Variants in TYW1B observed in about 807,000 individuals in gnomAD.
The protein encoded by TYW1B is tRNA-yW synthesizing protein 1 homolog B.
TYW1B carries 73 observed loss-of-function variants against 86.9 expected under a neutral mutation model. That is an observed-to-expected ratio of 0.84 (90% CI 0.70 to 1.02). The LOEUF (loss-of-function observed/expected upper bound fraction) is 1.02, where lower values mean the gene tolerates loss of function less well. TYW1B is among the 50% of genes least tolerant of loss of function. The pLI is 0.00. For synonymous variants in TYW1B, 248 were observed against 292.8 expected (o/e 0.85, Z 1.56); for missense variants, 637 against 827.4 (o/e 0.77, Z 2.82).
intron 7 of TYW1B, among the ~76,000 whole-genome samples, chr7:72,766,769 A>T (rs1393284589): frequency 4.0e-5 from 6 of 151,812 alleles, no homozygotes; most frequent in African/African-American, 1.5e-4. Context: ...TCTACTAAAA[A>T]TACAAAAATT....
intron 13 of TYW1B, among the ~76,000 whole-genome samples, chr7:72,582,417 T>C (rs1226036685): frequency 2.6e-5 from 4 of 151,824 alleles, no homozygotes; most frequent in South Asian, 2.1e-4. Flanking sequence ...TGAAAGACAG[T>C]AGGTCCAACC....
chr7:72,671,215 TG>T (rs1195849204), intron 11 of TYW1B, among the ~76,000 whole-genome samples: 1 of 152,072 alleles, frequency 6.6e-6, no homozygotes, highest in Non-Finnish European at 1.5e-5. Flanking sequence ...CTTAGAAAAA[TG>T]ATCTTCTTAG....
chr7:72,632,400 A>ATATT (rs1363543994), intron 11 of TYW1B, among the ~76,000 whole-genome samples: 1 of 81,738 alleles, frequency 1.2e-5, no homozygotes, highest in African/African-American at 8.9e-5. Context: ...ATATATATAT[A>ATATT]ATATATATAT....
intron 3 of TYW1B, among the ~76,000 whole-genome samples, chr7:72,813,029 G>A (rs1554478684): frequency 1.3e-5 from 2 of 151,964 alleles, no homozygotes; most frequent in Non-Finnish European, 2.9e-5. Flanking sequence ...GTGGAACACA[G>A]CCATATTCAT....
chr7:72,650,737 G>A (rs1177340761), intron 11 of TYW1B, among the ~76,000 whole-genome samples: 5 of 152,094 alleles, frequency 3.3e-5, no homozygotes, highest in African/African-American at 1.2e-4. Context: ...TACTCAAGAT[G>A]AGCCTGTAAA....
At chr7:72,761,714 G>C (rs782260081) in intron 7 of TYW1B, among the ~76,000 whole-genome samples, 4 of 151,876 alleles carry the variant, frequency 2.6e-5, no homozygotes, top group Non-Finnish European at 5.9e-5. Flanking sequence ...AATACCGAAA[G>C]GGAGAGAGAG....
At chr7:72,757,473 T>C (rs185035237) in intron 7 of TYW1B, among the ~76,000 whole-genome samples, 2 of 151,396 alleles carry the variant, frequency 1.3e-5, no homozygotes, top group Admixed American at 6.6e-5. Flanking sequence ...AATTTCAGAC[T>C]GACTACAAAA....
rs374381244 is a variant in TYW1B at position 72,761,794 on chromosome 7, G to T, written c.964+15622C>A. ...AGGTTACAAAGAAAAGAATAACTTT[G>T]TATGAGAAAGAATCTCGTATGACAC... On this transcript the variant is annotated intron_variant, in intron 7 of 13. Transcript: ENST00000620995. Among the ~76,000 whole-genome samples, 13 of 151,914 alleles carry T rather than the reference G, an allele frequency of 8.6e-5. No individual in the cohort carries two copies. In the South Asian group the frequency reaches 2.7e-3, roughly 32 times the overall value.
intron 9 of TYW1B, among the ~76,000 whole-genome samples, chr7:72,717,797 T>A (rs1786819833): frequency 6.6e-6 from 1 of 152,086 alleles, no homozygotes; most frequent in African/African-American, 2.4e-5. Context: ...AAACTTACAA[T>A]GGGATATCAT....
At position 72,671,315 on chromosome 7, in the gene TYW1B, C is replaced by G. The variant is rs188103513; in HGVS notation, c.1506+23372G>C. On this transcript the variant is annotated intron_variant, in intron 11 of 13. Transcript: ENST00000620995. Reference sequence around the variant, plus strand: ...ATACAGCCAAAGGTCTCCCTCCACCCCCAGACACTTGGGTCAAAACCAATT... The same window carrying G: ...ATACAGCCAAAGGTCTCCCTCCACCGCCAGACACTTGGGTCAAAACCAATT... 2.6e-3 allele frequency among the ~76,000 whole-genome samples: 389 copies of G among 152,294 alleles called. 1 individual carries two copies. The highest frequency in any genetic ancestry group is 4.0e-3 in the Non-Finnish European group (269 of 68,028).
intron 13 of TYW1B, among the ~76,000 whole-genome samples, chr7:72,605,403 G>A (rs1429955287): frequency 6.6e-6 from 1 of 151,010 alleles, no homozygotes; most frequent in Non-Finnish European, 1.5e-5. Context: ...GCCCCGGCTA[G>A]AGTGCAGTGG....
chr7:72,669,134 CTTTT>C (rs781821639), intron 11 of TYW1B, among the ~76,000 whole-genome samples: 10 of 81,520 alleles, frequency 1.2e-4, no homozygotes, highest in Non-Finnish European at 4.3e-5. Context: ...TAATTTTAAA[CTTTT>C]TTTTTTTTTT....
chr7:72,720,817 T>G (rs775287776), intron 9 of TYW1B, among the ~76,000 whole-genome samples: 2 of 152,196 alleles, frequency 1.3e-5, no homozygotes, highest in Non-Finnish European at 2.9e-5. Context: ...GTTACATATG[T>G]AAACATGTGC....
intron 12 of TYW1B, among the ~76,000 whole-genome samples, chr7:72,622,947 G>A (rs1235712261): frequency 1.3e-5 from 2 of 152,170 alleles, no homozygotes; most frequent in Non-Finnish European, 2.9e-5. Flanking sequence ...CCCAAGGGTT[G>A]TTCATGCTAC....
chr7:72,795,752 CTGAG>C (rs1215072387), intron 6 of TYW1B, among the ~76,000 whole-genome samples: 4 of 114,086 alleles, frequency 3.5e-5, no homozygotes, highest in Non-Finnish European at 7.1e-5. Flanking sequence ...TTTTGAGACA[CTGAG>C]TATCTATTCC....
intron 11 of TYW1B, among the ~76,000 whole-genome samples, chr7:72,681,881 G>C (rs1455728818): frequency 6.9e-6 from 1 of 144,660 alleles, no homozygotes; most frequent in African/African-American, 2.6e-5. Context: ...CACCGCACCC[G>C]GCCGTCTGTT....
intron 13 of TYW1B, among the ~76,000 whole-genome samples, chr7:72,578,342 C>T (rs1811074746): frequency 6.6e-6 from 1 of 152,098 alleles, no homozygotes; most frequent in Admixed American, 6.6e-5. Context: ...GTCTCGATCT[C>T]CTGACCTCGT....
At position 72,751,838 on chromosome 7, in the gene TYW1B, G is replaced by T. The variant is rs561469161; in HGVS notation, c.965-7237C>A. ...ACTTCTATGTGCTATGGTTCCAATGGCAGTTTAATTTTCAGAACCTTTGCA... is the reference window on the plus strand; with the variant it reads ...ACTTCTATGTGCTATGGTTCCAATGTCAGTTTAATTTTCAGAACCTTTGCA... On this transcript the variant is annotated intron_variant, in intron 7 of 13. Transcript: ENST00000620995. Among the ~76,000 whole-genome samples the T allele has an allele frequency of 9.2e-5, 14 of 152,276 alleles. No individual in the cohort carries two copies. In the East Asian group the frequency reaches 2.7e-3, roughly 29 times the overall value.
intron 11 of TYW1B, among the ~76,000 whole-genome samples, chr7:72,666,317 T>C (rs1401652046): frequency 1.3e-5 from 2 of 152,062 alleles, no homozygotes; most frequent in Non-Finnish European, 2.9e-5. Flanking sequence ...TCCCAACTAT[T>C]TGGGAGGCTG....
Sources: gnomAD v4.1 joint callset for allele counts (sites outside exome capture counted in the v4.1 genomes callset) on GRCh38, gnomAD v4.1.1 for gene constraint, MANE v1.5 for transcripts, NCBI Gene and HGNC (gene_info 2026-07-23, HGNC 2026-07-21) for gene names.